Variants in GALNT14 observed in about 807,000 individuals in gnomAD.
The protein encoded by GALNT14 is UDP-GalNAc:polypeptide N-acetylgalactosaminyltransferase 14.
Under a neutral mutation model 77.5 loss-of-function variants are expected in GALNT14, and 60 were observed. The observed-to-expected ratio is 0.77, with a 90% CI of 0.63 to 0.96. GALNT14 has a LOEUF of 0.96. GALNT14 is among the 40% of genes least tolerant of loss of function. GALNT14 has a pLI of 0.00. For synonymous variants in GALNT14, 280 were observed against 281.7 expected (o/e 0.99, Z 0.06); for missense variants, 710 against 731.0 (o/e 0.97, Z 0.33).
chr2:31,080,082 C>CA (rs1162858256), intron 1 of GALNT14, among the ~76,000 whole-genome samples: 4 of 152,196 alleles, frequency 2.6e-5, no homozygotes, highest in African/African-American at 7.2e-5. Flanking sequence ...GTGCATGGGG[C>CA]AAAATCAGAG....
intron 1 of GALNT14, among the ~76,000 whole-genome samples, chr2:31,009,266 C>T (rs1670870509): frequency 6.6e-6 from 1 of 152,026 alleles, no homozygotes; most frequent in South Asian, 2.1e-4. Context: ...CAATTTGGCA[C>T]ATTCATCTTC....
rs1667991696 is a variant in GALNT14 at position 30,966,193 on chromosome 2, G to C, written c.398+11C>G. The C allele has an allele frequency of 6.2e-7, 1 of 1,611,710 alleles. No homozygotes were observed. The highest frequency in any genetic ancestry group is 8.5e-7 in the Non-Finnish European group (1 of 1,177,948). Reference sequence around the variant, plus strand: ...CCAGAGCTGGCCAACAGACAAGCAAGGATGCCTCACCTGCGGATGGTCCTG... The same window carrying C: ...CCAGAGCTGGCCAACAGACAAGCAACGATGCCTCACCTGCGGATGGTCCTG... On this transcript the variant is annotated intron_variant, in intron 3 of 14. Coordinates refer to ENST00000349752, the MANE Select transcript of GALNT14 (RefSeq NM_024572.4).
chr2:30,916,170 T>C (rs563998454), intron 13 of GALNT14, among the ~76,000 whole-genome samples: 8 of 152,322 alleles, frequency 5.3e-5, no homozygotes, highest in East Asian at 1.9e-4. Context: ...ACCTTAGTTA[T>C]AGATTAGAAG....
At chr2:31,034,564 T>C (rs1406755522) in intron 1 of GALNT14, among the ~76,000 whole-genome samples, 5 of 152,084 alleles carry the variant, frequency 3.3e-5, no homozygotes, top group Non-Finnish European at 5.9e-5. Flanking sequence ...TTTTGTTTTT[T>C]TTTGATTATC....
At chr2:31,011,675 A>G (rs1395138649) in intron 1 of GALNT14, among the ~76,000 whole-genome samples, 1 of 152,178 alleles carries the variant, frequency 6.6e-6, no homozygotes, top group Non-Finnish European at 1.5e-5. Flanking sequence ...CCTGTCTGGC[A>G]GCAAATAAAT....
intron 1 of GALNT14, among the ~76,000 whole-genome samples, chr2:31,088,402 G>A (rs759595854): frequency 8.5e-5 from 13 of 152,172 alleles, no homozygotes; most frequent in Admixed American, 7.2e-4. Flanking sequence ...AATGGGATGT[G>A]CAGATATGCC....
intron 1 of GALNT14, among the ~76,000 whole-genome samples, chr2:31,114,196 C>G (rs988499397): frequency 6.6e-6 from 1 of 152,012 alleles, no homozygotes; most frequent in Non-Finnish European, 1.5e-5. Flanking sequence ...TTTCTTTCCT[C>G]TTTCTTTACT....
At chr2:31,000,370 A>C (rs1670289962) in intron 1 of GALNT14, among the ~76,000 whole-genome samples, 1 of 151,032 alleles carries the variant, frequency 6.6e-6, no homozygotes, top group Non-Finnish European at 1.5e-5. Context: ...TTCGTTTCCC[A>C]TTTGTTTGCA....
intron 1 of GALNT14, among the ~76,000 whole-genome samples, chr2:31,097,265 T>A (rs1008504264): frequency 8.5e-5 from 13 of 152,148 alleles, no homozygotes; most frequent in African/African-American, 3.1e-4. Flanking sequence ...CTTGAAAGTC[T>A]TTGAGGCACA....
chr2:30,959,690 C>T (rs1667571849), intron 3 of GALNT14, among the ~76,000 whole-genome samples: 1 of 152,152 alleles, frequency 6.6e-6, no homozygotes, highest in Non-Finnish European at 1.5e-5. Context: ...TTTATTATCA[C>T]TTAATTTGGT....
At chr2:30,922,275 T>C (rs1227563706) in intron 13 of GALNT14, among the ~76,000 whole-genome samples, 1 of 152,000 alleles carries the variant, frequency 6.6e-6, no homozygotes, top group African/African-American at 2.4e-5. Flanking sequence ...TTCCCAACCC[T>C]CTCCTGAGAT....
chr2:31,034,290 A>T (rs1215341291), intron 1 of GALNT14, among the ~76,000 whole-genome samples: 3 of 152,100 alleles, frequency 2.0e-5, no homozygotes, highest in Non-Finnish European at 4.4e-5. Context: ...GCTTCACCTT[A>T]CTAATTTTAT....
At chr2:31,021,691 C>T (rs72855286) in intron 1 of GALNT14, among the ~76,000 whole-genome samples, 5,402 of 152,264 alleles carry the variant, frequency 0.035, 311 homozygotes, top group African/African-American at 0.12. Flanking sequence ...CTCACTACAA[C>T]AGCAGAGCTG....
At chr2:30,980,491 A>G (rs1668919225) in intron 2 of GALNT14, among the ~76,000 whole-genome samples, 2 of 152,232 alleles carry the variant, frequency 1.3e-5, no homozygotes, top group Admixed American at 1.3e-4. Context: ...GAGGCTCGGC[A>G]TTTGACATCA....
At chr2:31,032,617 A>G (rs1672486406) in intron 1 of GALNT14, among the ~76,000 whole-genome samples, 1 of 152,162 alleles carries the variant, frequency 6.6e-6, no homozygotes, top group South Asian at 2.1e-4. Context: ...GCACAACTTG[A>G]TTCTGCAATC....
intron 11 of GALNT14, 95 bp from the exon 12 acceptor site, chr2:30,924,918 G>T: frequency 1.1e-6 from 1 of 913,518 alleles, no homozygotes; most frequent in Middle Eastern, 3.3e-4. Flanking sequence ...AACACAAAGC[G>T]CGACCCATGC....
intron 1 of GALNT14, among the ~76,000 whole-genome samples, chr2:31,063,363 T>C (rs1048039945): frequency 2.0e-5 from 3 of 152,180 alleles, no homozygotes; most frequent in East Asian, 1.9e-4. Flanking sequence ...AAACATCAGA[T>C]GGTTGTGGAT....
At chr2:31,085,659 A>G (rs1398443458) in intron 1 of GALNT14, among the ~76,000 whole-genome samples, 1 of 152,158 alleles carries the variant, frequency 6.6e-6, no homozygotes, top group Non-Finnish European at 1.5e-5. Context: ...GGCTCATGAG[A>G]AGTCTCTTCA....
At chr2:31,030,236 A>G (rs1485939113) in intron 1 of GALNT14, among the ~76,000 whole-genome samples, 1 of 152,134 alleles carries the variant, frequency 6.6e-6, no homozygotes. Context: ...GACTGGTGCC[A>G]TTCTTAACTG....
Sources: gnomAD v4.1 joint callset for allele counts (sites outside exome capture counted in the v4.1 genomes callset) on GRCh38, gnomAD v4.1.1 for gene constraint, MANE v1.5 for transcripts, NCBI Gene and HGNC (gene_info 2026-07-23, HGNC 2026-07-21) for gene names.